Variants in FBXO38 observed in about 807,000 individuals in gnomAD.
FBXO38 encodes the protein F-box only protein 38.
A neutral mutation model predicts 131.9 loss-of-function variants in FBXO38; 53 were observed. The observed-to-expected ratio is 0.40, with a 90% CI of 0.32 to 0.51. The LOEUF is 0.51. Among genes scored for constraint, FBXO38 ranks in the 20% least tolerant of loss-of-function variants. The pLI is 0.53. For synonymous variants in FBXO38, 452 were observed against 505.6 expected (o/e 0.89, Z 1.42); for missense variants, 1,076 against 1,475.6 (o/e 0.73, Z 4.44).
At chr5:148,430,976 A>T (rs955722755) in intron 15 of FBXO38, among the ~76,000 whole-genome samples, 1 of 152,212 alleles carries the variant, frequency 6.6e-6, no homozygotes, top group Non-Finnish European at 1.5e-5. Flanking sequence ...GACTGGATTG[A>T]TCTGCCTTTC....
At chr5:148,441,600 A>C (rs541772236) in intron 21 of FBXO38, 2 of 201,566 alleles carry the variant, frequency 9.9e-6, no homozygotes, top group South Asian at 3.4e-4. Flanking sequence ...GGAAACTTAT[A>C]ATTTAGGTGT....
In FBXO38 at chr5:148,442,008, C is replaced by T. The variant is rs1554083508; in HGVS notation, c.3428C>T (p.Ala1143Val). 3.1e-6 allele frequency: 5 copies of T among 1,613,896 alleles called. No homozygotes were observed. Among genetic ancestry groups the T allele is most frequent in the Non-Finnish European group, 4.2e-6 (5 of 1,179,898 alleles). ...CCTAGAAGGAAAGGACAGCTGTCTG[C>T]AGACATCTGTATGGAAACAATAGGA... The part of the protein sequence containing the change: ...YAPRRKGQLS[A>V]DICMETIGEE... The change falls in exon 22 of 22, where the codon GCA (alanine) becomes GTA (valine). Residue 1143 changes from alanine (A) to valine (V), a missense_variant. Ala to Val is a moderately conservative substitution (Grantham distance 64). Transcript: ENST00000340253.
chr5:148,438,879 A>G (rs765278134), intron 18 of FBXO38, among the ~76,000 whole-genome samples: 3 of 152,198 alleles, frequency 2.0e-5, no homozygotes, highest in Non-Finnish European at 4.4e-5. Context: ...GTGCTAGTAT[A>G]TAGTAAGCCA....
intron 12 of FBXO38, among the ~76,000 whole-genome samples, chr5:148,419,896 G>C (rs962061019): frequency 1.3e-5 from 2 of 151,822 alleles, no homozygotes; most frequent in African/African-American, 4.8e-5. Flanking sequence ...AATTTTAAAA[G>C]CTATTTAATT....
At chr5:148,388,138 T>A (rs1758013442) in intron 1 of FBXO38, among the ~76,000 whole-genome samples, 1 of 152,166 alleles carries the variant, frequency 6.6e-6, no homozygotes, top group Non-Finnish European at 1.5e-5. Flanking sequence ...AATGACTAGG[T>A]CCATTGTCAA....
chr5:148,437,559 T>C (rs1324717917), intron 17 of FBXO38, among the ~76,000 whole-genome samples: 2 of 152,214 alleles, frequency 1.3e-5, no homozygotes, highest in Non-Finnish European at 2.9e-5. Context: ...TGTGGTTTTA[T>C]AATCTTTTCC....
At chr5:148,427,186 G>A in intron 14 of FBXO38, 27 bp from the exon 15 acceptor site, 2 of 1,546,074 alleles carry the variant, frequency 1.3e-6, no homozygotes, top group Non-Finnish European at 1.7e-6. Context: ...TCTTTTCCTC[G>A]GGCCGTTCTT....
At position 148,439,629 on chromosome 5, in the gene FBXO38, TTA is replaced by T; in HGVS notation, c.3025-16_3025-15del. Reference sequence around the variant, plus strand: ...CATTCTCTTTGTTGAAGACATCTCTTTATGATGTCTTCCACAGGTGGACACTC... The same window carrying T: ...CATTCTCTTTGTTGAAGACATCTCTTTGATGTCTTCCACAGGTGGACACTC... On this transcript the variant is annotated splice_polypyrimidine_tract_variant and intron_variant, in intron 18 of 21. Coordinates refer to ENST00000340253, the MANE Select transcript of FBXO38 (RefSeq NM_205836.3). The T allele has an allele frequency of 1.3e-6, 2 of 1,598,460 alleles. No homozygotes were observed. Among genetic ancestry groups the T allele is most frequent in the South Asian group, 2.2e-5 (2 of 90,448 alleles).
rs1335026015 is a variant in FBXO38, at chr5:148,442,288, G to A, written c.*141G>A. ...ATATAGGGAATATATAAGGAACATC[G>A]AAATTGTATACAAAGATTTGTACAT... On this transcript the variant is annotated 3_prime_UTR_variant, in exon 22 of 22. Transcript: ENST00000340253. 1.1e-5 allele frequency: 6 copies of A among 547,868 alleles called. No individual in the cohort carries two copies. The highest frequency in any genetic ancestry group is 4.2e-4 in the Middle Eastern group (1 of 2,362). 33.9% of individuals were successfully genotyped at this position (547,868 alleles called of 1,614,324 possible). A position where few individuals can be genotyped will look rare whatever the true frequency, so the allele number is the denominator to read the frequency against.
At chr5:148,438,601 G>T (rs1182585526) in intron 18 of FBXO38, 103 bp downstream of exon 18, 39 of 1,199,116 alleles carry the variant, frequency 3.3e-5, no homozygotes, top group Non-Finnish European at 4.5e-5. Context: ...TCATTCACTT[G>T]CCCAACCTAC....
At chr5:148,387,690 C>CTTTT (rs142417126) in intron 1 of FBXO38, among the ~76,000 whole-genome samples, 29 of 126,670 alleles carry the variant, frequency 2.3e-4, no homozygotes, top group Non-Finnish European at 3.5e-4. Context: ...GAATTTATTT[C>CTTTT]TTTTTTTTTT....
chr5:148,397,138 G>A lies in FBXO38; in HGVS notation c.129-1861G>A, dbSNP rs1053963723. Among the ~76,000 whole-genome samples the A allele has an allele frequency of 8.5e-5, 13 of 152,222 alleles. No homozygotes were observed. The South Asian group carries it at 2.7e-3, about 32-fold the overall frequency. On this transcript the variant is annotated intron_variant, in intron 2 of 21. Coordinates refer to ENST00000340253, the MANE Select transcript of FBXO38 (RefSeq NM_205836.3). The stretch of plus-strand genomic sequence containing the variant: ...TAGTCTTCTAAAATTTTGATTTGAG[G>A]ATTCATTGTGGTGGTGTAGTAACTA...
chr5:148,401,977 C>T lies in FBXO38; in HGVS notation c.263-5C>T. ...CCTGGCTCTAAATACTTCTGAACTTCTCAGGCTTTACAGATGCCAGTTTTC... is the reference window on the plus strand; with the variant it reads ...CCTGGCTCTAAATACTTCTGAACTTTTCAGGCTTTACAGATGCCAGTTTTC... On this transcript the variant is annotated splice_polypyrimidine_tract_variant and splice_region_variant and intron_variant, in intron 3 of 21. Coordinates refer to ENST00000340253, the MANE Select transcript of FBXO38 (RefSeq NM_205836.3). 3 of 1,600,024 alleles carry T rather than the reference C, an allele frequency of 1.9e-6. No individual in the cohort carries two copies. The highest frequency in any genetic ancestry group is 1.7e-5 in the Admixed American group (1 of 59,622).
chr5:148,427,186 G>C (rs367698501), intron 14 of FBXO38, 27 bp from the exon 15 acceptor site: 75 of 1,545,954 alleles, frequency 4.9e-5, no homozygotes, highest in African/African-American at 7.0e-5. Context: ...TCTTTTCCTC[G>C]GGCCGTTCTT....
intron 1 of FBXO38, among the ~76,000 whole-genome samples, chr5:148,391,931 TAA>T (rs905381845): frequency 1.2e-3 from 187 of 152,288 alleles, no homozygotes; most frequent in South Asian, 1.9e-3. Flanking sequence ...TCATACTTTT[TAA>T]AAAAAGTTTT....
intron 17 of FBXO38, among the ~76,000 whole-genome samples, chr5:148,436,942 C>T (rs556891533): frequency 2.4e-4 from 36 of 152,344 alleles, no homozygotes; most frequent in African/African-American, 8.4e-4. Flanking sequence ...CTCACCCTAG[C>T]CTTACAGTAG....
chr5:148,400,906 T>A (rs1752112675), intron 3 of FBXO38, among the ~76,000 whole-genome samples: 1 of 152,110 alleles, frequency 6.6e-6, no homozygotes. Flanking sequence ...AAAAAATGAT[T>A]AACACATTGA....
At chr5:148,429,070 A>G (rs554924820) in intron 15 of FBXO38, among the ~76,000 whole-genome samples, 1 of 152,290 alleles carries the variant, frequency 6.6e-6, no homozygotes, top group South Asian at 2.1e-4. Flanking sequence ...ACCACCAACC[A>G]TCTGAACTTT....
intron 15 of FBXO38, 101 bp downstream of exon 15, chr5:148,428,048 A>G: frequency 7.5e-7 from 1 of 1,326,828 alleles, no homozygotes; most frequent in Non-Finnish European, 9.9e-7. Flanking sequence ...TTGGCAAATT[A>G]AATTCTATTT....
Sources: gnomAD v4.1 joint callset for allele counts (sites outside exome capture counted in the v4.1 genomes callset) on GRCh38, gnomAD v4.1.1 for gene constraint, MANE v1.5 for transcripts, NCBI Gene and HGNC (gene_info 2026-07-23, HGNC 2026-07-21) for gene names.